Variants in CERS6 observed in about 807,000 individuals in gnomAD.
The protein encoded by CERS6 is ceramide synthase 6, also known as LAG1 homolog, ceramide synthase 6.
CERS6 carries 26 observed loss-of-function variants against 56.8 expected under a neutral mutation model. That is an observed-to-expected ratio of 0.46 (90% CI 0.34 to 0.63). CERS6 has a LOEUF of 0.63. Ranked by LOEUF, CERS6 falls within the 30% of genes least tolerant of loss-of-function variation. The pLI, the probability that CERS6 is intolerant of heterozygous loss-of-function variation, is 0.01. For missense variants in CERS6, 415 were observed against 467.5 expected (o/e 0.89, Z 1.04); for synonymous variants, 164 against 173.3 (o/e 0.95, Z 0.42).
chr2:168,601,803 G>C (rs567588179), intron 3 of CERS6, among the ~76,000 whole-genome samples: 29 of 152,138 alleles, frequency 1.9e-4, no homozygotes, highest in Middle Eastern at 3.4e-3. Context: ...GCCCACCCCA[G>C]CCTCCCATAG....
At chr2:168,552,843 C>G (rs1316478731) in intron 2 of CERS6, among the ~76,000 whole-genome samples, 1 of 152,098 alleles carries the variant, frequency 6.6e-6, no homozygotes, top group Non-Finnish European at 1.5e-5. Flanking sequence ...AAGCAACTCA[C>G]ACAATATCAA....
intron 1 of CERS6, among the ~76,000 whole-genome samples, chr2:168,508,582 A>G (rs1574031388): frequency 6.6e-6 from 1 of 152,164 alleles, no homozygotes. Context: ...GAAGCTGGAA[A>G]CCATCATTCT....
Position 168,586,846 on chromosome 2 carries a change from A to G in CERS6, c.407+25524A>G, listed in dbSNP as rs562175736. ...TATAAAGTGTTAAATTTCTTGGCAC[A>G]TTCCTTGATATATACTAGGGGTCCT... On this transcript the variant is annotated intron_variant, in intron 3 of 9. Transcript: ENST00000305747. Among the ~76,000 whole-genome samples, 21 of 152,208 alleles carry G rather than the reference A, an allele frequency of 1.4e-4. 1 individual carries two copies. The highest frequency in any genetic ancestry group is 3.1e-4 in the Non-Finnish European group (21 of 68,042).
At chr2:168,556,757 T>G (rs1171288627) in intron 2 of CERS6, among the ~76,000 whole-genome samples, 1 of 151,690 alleles carries the variant, frequency 6.6e-6, no homozygotes, top group Non-Finnish European at 1.5e-5. Flanking sequence ...ACCTGAAAAA[T>G]GAAGGGAATC....
intron 8 of CERS6, among the ~76,000 whole-genome samples, chr2:168,743,260 G>A (rs1051715932): frequency 8.0e-5 from 12 of 150,762 alleles, no homozygotes; most frequent in Non-Finnish European, 1.6e-4. Flanking sequence ...ATATATACAC[G>A]TATGTATGTA....
chr2:168,569,543 G>C (rs1258196288), intron 3 of CERS6, among the ~76,000 whole-genome samples: 1 of 152,244 alleles, frequency 6.6e-6, no homozygotes, highest in Non-Finnish European at 1.5e-5. Flanking sequence ...GTGCACACGC[G>C]TGTGTGCATA....
intron 2 of CERS6, among the ~76,000 whole-genome samples, chr2:168,549,496 G>A (rs1026915314): frequency 6.6e-6 from 1 of 152,136 alleles, no homozygotes; most frequent in South Asian, 2.1e-4. Flanking sequence ...TTAGCCAGGC[G>A]TGGTGGCGGG....
At position 168,770,253 on chromosome 2, in the gene CERS6, G is replaced by T. The variant is rs1050815146; in HGVS notation, c.*591G>T. The T allele has an allele frequency of 2.6e-5, 4 of 152,342 alleles. No homozygotes were observed. The highest frequency in any genetic ancestry group is 9.6e-5 in the African/African-American group (4 of 41,454). The allele number at this position is 152,342 out of a possible 1,614,324, so 9.4% of individuals were successfully genotyped here. On this transcript the variant is annotated 3_prime_UTR_variant, in exon 10 of 10. Transcript: ENST00000305747. ...TTAGCAGTTCAAATTAAAGAAGATG[G>T]TTATTGGAGAACTTTTTTGAATGGT...
chr2:168,547,506 ATAATTGAGTAATGTG>A (rs1466824130), intron 1 of CERS6, 75 bp from the exon 2 acceptor site: 26 of 661,146 alleles, frequency 3.9e-5, no homozygotes, highest in Non-Finnish European at 5.6e-5. Flanking sequence ...CTTTATTGGG[ATAATTGAGTAATGTG>A]TAACTGGTGG....
chr2:168,648,274 T>C (rs569773352), intron 4 of CERS6, among the ~76,000 whole-genome samples: 1 of 152,252 alleles, frequency 6.6e-6, no homozygotes, highest in South Asian at 2.1e-4. Flanking sequence ...AAGAGATGTG[T>C]CCATCTCTTC....
chr2:168,685,050 T>A (rs1401532869), intron 4 of CERS6, among the ~76,000 whole-genome samples: 1 of 152,252 alleles, frequency 6.6e-6, no homozygotes, highest in African/African-American at 2.4e-5. Context: ...TTGGTATTTT[T>A]AAACATAATC....
intron 3 of CERS6, among the ~76,000 whole-genome samples, chr2:168,574,607 G>A (rs574702015): frequency 6.6e-6 from 1 of 152,064 alleles, no homozygotes; most frequent in African/African-American, 2.4e-5. Flanking sequence ...ATTTAATATA[G>A]TGATTAAATA....
At chr2:168,495,824 C>T (rs1467422146) in intron 1 of CERS6, among the ~76,000 whole-genome samples, 1 of 152,142 alleles carries the variant, frequency 6.6e-6, no homozygotes, top group Non-Finnish European at 1.5e-5. Context: ...TTGACTTTGC[C>T]CTTGTGCACC....
intron 4 of CERS6, among the ~76,000 whole-genome samples, chr2:168,680,968 T>C (rs539361762): frequency 1.1e-3 from 168 of 152,350 alleles, no homozygotes; most frequent in Non-Finnish European, 1.9e-3. Context: ...GTAATTGTTT[T>C]GGTTACCCAG....
intron 8 of CERS6, among the ~76,000 whole-genome samples, chr2:168,732,085 A>T (rs1288515845): frequency 6.6e-6 from 1 of 152,198 alleles, no homozygotes; most frequent in Non-Finnish European, 1.5e-5. Flanking sequence ...GTAATGAATT[A>T]TTCATGGCAC....
At chr2:168,564,972 T>G (rs1695858869) in intron 3 of CERS6, among the ~76,000 whole-genome samples, 1 of 152,222 alleles carries the variant, frequency 6.6e-6, no homozygotes, top group Non-Finnish European at 1.5e-5. Flanking sequence ...TAAAATGGCA[T>G]TGTTTTGGAA....
intron 7 of CERS6, among the ~76,000 whole-genome samples, chr2:168,716,834 A>G (rs1437054386): frequency 6.6e-6 from 1 of 152,150 alleles, no homozygotes; most frequent in Admixed American, 6.5e-5. Flanking sequence ...TTAGGAATAC[A>G]TTCCTCTCAT....
At chr2:168,699,596 CT>C (rs899678422) in intron 6 of CERS6, among the ~76,000 whole-genome samples, 2 of 151,834 alleles carry the variant, frequency 1.3e-5, no homozygotes, top group Non-Finnish European at 1.5e-5. Flanking sequence ...TTTTTGGCAC[CT>C]TTTTTTTAAA....
intron 8 of CERS6, among the ~76,000 whole-genome samples, chr2:168,729,233 A>C (rs1683445899): frequency 6.6e-6 from 1 of 152,160 alleles, no homozygotes; most frequent in Admixed American, 6.5e-5. Flanking sequence ...GTGTCGTAAT[A>C]AAGTCTCATG....
Sources: allele counts gnomAD v4.1 joint callset (sites outside exome capture counted in the v4.1 genomes callset), GRCh38; gene constraint gnomAD v4.1.1; transcripts MANE v1.5; gene names NCBI Gene and HGNC (gene_info 2026-07-23, HGNC 2026-07-21).